The following DNER variants were observed in gnomAD, a reference collection of about 807,000 sequenced individuals.
DNER encodes the protein delta and Notch-like epidermal growth factor-related receptor.
Under a neutral mutation model 78.2 loss-of-function variants are expected in DNER, and 33 were observed. The observed-to-expected ratio is 0.42, with a 90% CI of 0.32 to 0.56. The LOEUF is 0.56. Ranked by LOEUF, DNER falls within the 20% of genes least tolerant of loss-of-function variation. DNER has a pLI of 0.11. For synonymous variants in DNER, 417 were observed against 384.8 expected (o/e 1.08, Z -0.98); for missense variants, 918 against 975.3 (o/e 0.94, Z 0.78).
chr2:229,416,002 G>T (rs1693642663), intron 9 of DNER, among the ~76,000 whole-genome samples: 1 of 152,054 alleles, frequency 6.6e-6, no homozygotes, highest in Non-Finnish European at 1.5e-5. Context: ...TCCCATTACT[G>T]CCCTGTGAGC....
At chr2:229,391,789 C>T (rs1693021910) in intron 10 of DNER, among the ~76,000 whole-genome samples, 2 of 152,038 alleles carry the variant, frequency 1.3e-5, no homozygotes, top group South Asian at 4.2e-4. Context: ...GTGATCTGCC[C>T]ACCTCACCCT....
intron 7 of DNER, among the ~76,000 whole-genome samples, chr2:229,455,484 G>C (rs1215708904): frequency 6.6e-6 from 1 of 152,066 alleles, no homozygotes. Flanking sequence ...CTGTCAGTCA[G>C]TCTGTGGAAT....
rs377734885 is a variant in DNER at position 229,556,170 on chromosome 2, T to C, written c.848-9078A>G. On this transcript the variant is annotated intron_variant, in intron 4 of 12. Transcript: ENST00000341772. ...ATACAAGGCATAGTTTTCTAGATAA[T>C]TTGCTTCCATTTCCTTGATGAACAC... Among the ~76,000 whole-genome samples, 6 of 152,222 alleles carry C rather than the reference T, an allele frequency of 3.9e-5. No homozygotes were observed. The East Asian group carries it at 7.7e-4, about 20-fold the overall frequency.
At chr2:229,486,214 GA>G (rs1359318299) in intron 6 of DNER, among the ~76,000 whole-genome samples, 4 of 152,064 alleles carry the variant, frequency 2.6e-5, no homozygotes, top group Non-Finnish European at 5.9e-5. Flanking sequence ...TTATTGCACA[GA>G]AAAAAACTAG....
intron 1 of DNER, among the ~76,000 whole-genome samples, chr2:229,691,280 G>A (rs542243153): frequency 6.6e-6 from 1 of 152,218 alleles, no homozygotes; most frequent in Admixed American, 6.5e-5. Context: ...GCAGTTTGAT[G>A]ATCTTTGTAT....
intron 7 of DNER, among the ~76,000 whole-genome samples, chr2:229,448,365 C>T (rs1309869075): frequency 2.0e-5 from 3 of 152,082 alleles, no homozygotes; most frequent in South Asian, 2.1e-4. Flanking sequence ...ATGGCTGGGC[C>T]GGAAAGAGGA....
intron 1 of DNER, among the ~76,000 whole-genome samples, chr2:229,697,740 G>T (rs208785): frequency 3.9e-5 from 6 of 152,136 alleles, no homozygotes; most frequent in East Asian, 1.9e-4. Context: ...TTTCTCATTA[G>T]GAGTTTACAC....
At chr2:229,431,115 T>C (rs894708312) in intron 8 of DNER, among the ~76,000 whole-genome samples, 2 of 152,208 alleles carry the variant, frequency 1.3e-5, no homozygotes. Context: ...ATGTACTGAG[T>C]GTAAATCATA....
chr2:229,530,721 C>A (rs576267481), intron 5 of DNER, among the ~76,000 whole-genome samples: 2 of 152,346 alleles, frequency 1.3e-5, no homozygotes, highest in South Asian at 4.1e-4. Context: ...ACAGAAATAT[C>A]ATTAAACTAG....
chr2:229,714,479 T>C lies in DNER; in HGVS notation c.-56A>G. 9.2e-7 allele frequency: 1 copy of C among 1,089,650 alleles called. No individual in the cohort carries two copies. The highest frequency in any genetic ancestry group is 1.1e-6 in the Non-Finnish European group (1 of 899,618). 67.5% of individuals were successfully genotyped at this position (1,089,650 alleles called of 1,614,324 possible). A position where few individuals can be genotyped will look rare whatever the true frequency, so the allele number is the denominator to read the frequency against. The stretch of plus-strand genomic sequence containing the variant: ...CAGGACGCAGTGACGGCGGCGGCGG[T>C]GGCAGTGGCGACGAGAGCTGCGAGA... On this transcript the variant is annotated 5_prime_UTR_variant, in exon 1 of 13. Coordinates refer to ENST00000341772, the MANE Select transcript of DNER (RefSeq NM_139072.4).
At chr2:229,589,036 G>A (rs16826227) in intron 2 of DNER, among the ~76,000 whole-genome samples, 2,121 of 152,226 alleles carry the variant, frequency 0.014, 44 homozygotes, top group African/African-American at 0.048. Flanking sequence ...CTATACCTTC[G>A]CTTTTAAATT....
chr2:229,542,386 G>A (rs1361734078), intron 5 of DNER, among the ~76,000 whole-genome samples: 1 of 152,142 alleles, frequency 6.6e-6, no homozygotes, highest in Non-Finnish European at 1.5e-5. Context: ...CAGCAAGCTT[G>A]AGCTTTATCA....
chr2:229,468,576 C>A (rs1429307911), intron 7 of DNER, among the ~76,000 whole-genome samples: 1 of 152,134 alleles, frequency 6.6e-6, no homozygotes, highest in Non-Finnish European at 1.5e-5. Flanking sequence ...GGTCAGTCAG[C>A]ACTCCCCACT....
chr2:229,524,402 G>C (rs552331093), intron 5 of DNER, among the ~76,000 whole-genome samples: 126 of 152,320 alleles, frequency 8.3e-4, no homozygotes, highest in African/African-American at 2.8e-3. Flanking sequence ...AAATTTAACT[G>C]TTGAAAGCTC....
chr2:229,393,748 G>T (rs544179248), intron 10 of DNER, among the ~76,000 whole-genome samples: 1 of 152,192 alleles, frequency 6.6e-6, no homozygotes, highest in Admixed American at 6.5e-5. Context: ...TTAGGAGGCT[G>T]AGGCAGGAGA....
At chr2:229,415,707 G>A (rs1197035384) in intron 9 of DNER, among the ~76,000 whole-genome samples, 1 of 152,072 alleles carries the variant, frequency 6.6e-6, no homozygotes, top group South Asian at 2.1e-4. Context: ...TTATCTTAGG[G>A]TATAGGGTGC....
intron 4 of DNER, among the ~76,000 whole-genome samples, chr2:229,561,099 C>A (rs1696950851): frequency 6.6e-6 from 1 of 152,106 alleles, no homozygotes; most frequent in African/African-American, 2.4e-5. Context: ...CTTAAAAGAG[C>A]AAATTGCTTT....
In DNER at chr2:229,591,076, T is replaced by C. The variant is rs78808906; in HGVS notation, c.585+504A>G. Among the ~76,000 whole-genome samples the C allele has an allele frequency of 9.5e-3, 1,451 of 152,352 alleles. 11 individuals are homozygous for C. Among genetic ancestry groups the C allele is most frequent in the Middle Eastern group, 0.02 (6 of 294 alleles). ...GCAGATGCTGGTGCCATGCTTTATG[T>C]ACAGCCTGAAGAACAATGAGCCAAT... On this transcript the variant is annotated intron_variant, in intron 2 of 12. Transcript: ENST00000341772. The surrounding 1 kb of genome is among the most constrained non-coding windows in gnomAD (Gnocchi z 4.6).
At chr2:229,500,585 T>G (rs986446401) in intron 6 of DNER, among the ~76,000 whole-genome samples, 4 of 152,348 alleles carry the variant, frequency 2.6e-5, no homozygotes, top group East Asian at 1.9e-4. Flanking sequence ...TCCACTATCA[T>G]GTTCATTGTA....
Sources: gnomAD v4.1 joint callset for allele counts (sites outside exome capture counted in the v4.1 genomes callset) on GRCh38, gnomAD v4.1.1 for gene constraint, Gnocchi (gnomAD v3.1) non-coding constraint, MANE v1.5 for transcripts, NCBI Gene and HGNC (gene_info 2026-07-23, HGNC 2026-07-21) for gene names.